The following CSNK1G3 variants were observed in gnomAD, a reference collection of about 807,000 sequenced individuals.
CSNK1G3 encodes the protein casein kinase 1 gamma 3.
A neutral mutation model predicts 64.3 loss-of-function variants in CSNK1G3; 23 were observed. The observed-to-expected ratio is 0.36, with a 90% CI of 0.26 to 0.51. The LOEUF is 0.51. Ranked by LOEUF, CSNK1G3 falls within the 20% of genes least tolerant of loss-of-function variation. The pLI is 0.96. For synonymous variants in CSNK1G3, 158 were observed against 162.2 expected (o/e 0.97, Z 0.20); for missense variants, 357 against 510.5 (o/e 0.70, Z 2.90).
intron 1 of CSNK1G3, among the ~76,000 whole-genome samples, chr5:123,517,532 A>C (rs1338048152): frequency 6.6e-6 from 1 of 152,202 alleles, no homozygotes; most frequent in Non-Finnish European, 1.5e-5. Flanking sequence ...GGGAAAAAAA[A>C]ACAAAAAACA....
intron 1 of CSNK1G3, among the ~76,000 whole-genome samples, chr5:123,524,980 G>A (rs1386346341): frequency 1.3e-5 from 2 of 152,118 alleles, no homozygotes; most frequent in East Asian, 1.9e-4. Context: ...AACCTTATAG[G>A]TAGCCATTCT....
At chr5:123,554,253 A>G (rs1008062701) in intron 3 of CSNK1G3, among the ~76,000 whole-genome samples, 1 of 152,200 alleles carries the variant, frequency 6.6e-6, no homozygotes, top group Non-Finnish European at 1.5e-5. Context: ...GATTTTACCT[A>G]GATGAGTCCG....
intron 12 of CSNK1G3, among the ~76,000 whole-genome samples, chr5:123,610,781 G>A (rs1043589815): frequency 5.3e-5 from 8 of 152,090 alleles, no homozygotes; most frequent in Non-Finnish European, 2.9e-5. Flanking sequence ...TTTGAGACCA[G>A]CCTGGGCAAC....
intron 6 of CSNK1G3, among the ~76,000 whole-genome samples, chr5:123,578,885 C>T (rs1274751383): frequency 6.6e-6 from 1 of 152,010 alleles, no homozygotes; most frequent in Non-Finnish European, 1.5e-5. Context: ...TTCTAGATTA[C>T]ATTTGCCACA....
At chr5:123,556,567 G>A (rs1319619059) in intron 3 of CSNK1G3, among the ~76,000 whole-genome samples, 4 of 151,782 alleles carry the variant, frequency 2.6e-5, no homozygotes, top group Non-Finnish European at 5.9e-5. Context: ...GGCAAAATGA[G>A]TTTTAAATTT....
chr5:123,587,203 T>G (rs1791491646), intron 6 of CSNK1G3, among the ~76,000 whole-genome samples: 1 of 152,212 alleles, frequency 6.6e-6, no homozygotes, highest in Non-Finnish European at 1.5e-5. Flanking sequence ...TTTGAAAAGT[T>G]TGCTTTTCTG....
At chr5:123,534,193 A>G (rs886897009) in intron 1 of CSNK1G3, among the ~76,000 whole-genome samples, 10 of 152,120 alleles carry the variant, frequency 6.6e-5, no homozygotes, top group Non-Finnish European at 1.0e-4. Context: ...TGCATATTAT[A>G]TAAGAATACC....
chr5:123,534,449 G>C (rs1406531451), intron 1 of CSNK1G3, among the ~76,000 whole-genome samples: 1 of 152,064 alleles, frequency 6.6e-6, no homozygotes, highest in Non-Finnish European at 1.5e-5. Context: ...TATAAGAGAA[G>C]GTTATGCTAC....
intron 1 of CSNK1G3, among the ~76,000 whole-genome samples, chr5:123,529,988 T>C (rs1779670427): frequency 6.6e-6 from 1 of 151,822 alleles, no homozygotes; most frequent in South Asian, 2.1e-4. Context: ...AATACAAAAA[T>C]TAGCCTCGTG....
chr5:123,520,413 C>G (rs187319409), intron 1 of CSNK1G3, among the ~76,000 whole-genome samples: 48 of 149,424 alleles, frequency 3.2e-4, no homozygotes, highest in Admixed American at 1.9e-3. Context: ...TCATTTACTT[C>G]TCTATATTGT....
chr5:123,559,264 AC>A lies in CSNK1G3; in HGVS notation c.289+1702del, dbSNP rs1467791497. 2.0e-5 allele frequency among the ~76,000 whole-genome samples: 3 copies of A among 149,224 alleles called. No homozygotes were observed. The South Asian group carries it at 6.4e-4, about 32-fold the overall frequency. Reference sequence around the variant, plus strand: ...GGATGCCACGGTGATGAAAAAAAAAACCAGATCTATCTAGTACAGTAATAAA... The same window carrying A: ...GGATGCCACGGTGATGAAAAAAAAAACAGATCTATCTAGTACAGTAATAAA... On this transcript the variant is annotated intron_variant, in intron 4 of 12. Transcript: ENST00000345990.
chr5:123,599,411 T>C (rs1794043608), intron 10 of CSNK1G3, among the ~76,000 whole-genome samples: 1 of 152,178 alleles, frequency 6.6e-6, no homozygotes, highest in Non-Finnish European at 1.5e-5. Context: ...AAGAATAACA[T>C]TCATTGTTGT....
intron 1 of CSNK1G3, among the ~76,000 whole-genome samples, chr5:123,512,834 C>T (rs1474460340): frequency 6.6e-6 from 1 of 150,882 alleles, no homozygotes; most frequent in Non-Finnish European, 1.5e-5. Context: ...CCGCGGGTGG[C>T]GGGTCGGGCT....
intron 11 of CSNK1G3, among the ~76,000 whole-genome samples, 165 bp downstream of exon 12, chr5:123,604,995 T>A (rs1795103882): frequency 6.6e-6 from 1 of 152,134 alleles, no homozygotes; most frequent in South Asian, 2.1e-4. Context: ...GAGTTTAAAA[T>A]AGTGCTATTC....
intron 12 of CSNK1G3, 103 bp downstream of exon 13, chr5:123,605,465 A>T: frequency 1.7e-6 from 2 of 1,195,370 alleles, no homozygotes. Context: ...CAACACAGTG[A>T]TTATAATTGG....
intron 1 of CSNK1G3, among the ~76,000 whole-genome samples, chr5:123,541,921 T>C (rs866696746): frequency 6.6e-6 from 1 of 152,132 alleles, no homozygotes; most frequent in South Asian, 2.1e-4. Context: ...AACCAAGTAA[T>C]GTTTAGTCTT....
chr5:123,554,836 T>C (rs1784335707), intron 3 of CSNK1G3, among the ~76,000 whole-genome samples: 1 of 152,240 alleles, frequency 6.6e-6, no homozygotes, highest in Non-Finnish European at 1.5e-5. Context: ...GAATGATAGT[T>C]ATCTGATATA....
chr5:123,543,233 G>A (rs1184551793), intron 1 of CSNK1G3, among the ~76,000 whole-genome samples: 1 of 152,106 alleles, frequency 6.6e-6, no homozygotes, highest in Non-Finnish European at 1.5e-5. Context: ...TCTAGGTTTA[G>A]TTTTAGACTT....
intron 10 of CSNK1G3, among the ~76,000 whole-genome samples, chr5:123,596,254 A>G (rs892206536): frequency 3.4e-4 from 51 of 152,190 alleles, no homozygotes; most frequent in Non-Finnish European, 5.2e-4. Flanking sequence ...ATTTGAGTAG[A>G]TCTATAAAAG....
Sources: allele counts gnomAD v4.1 joint callset (sites outside exome capture counted in the v4.1 genomes callset), GRCh38; gene constraint gnomAD v4.1.1; transcripts MANE v1.5; gene names NCBI Gene and HGNC (gene_info 2026-07-23, HGNC 2026-07-21).